Variants in ALOX5 observed in about 807,000 individuals in gnomAD.
The protein encoded by ALOX5 is arachidonate 5-lipoxygenase, also known as polyunsaturated fatty acid 5-lipoxygenase.
A neutral mutation model predicts 87.9 loss-of-function variants in ALOX5; 64 were observed. That is an observed-to-expected ratio of 0.73 (90% confidence interval 0.60 to 0.90). The LOEUF (loss-of-function observed/expected upper bound fraction) is 0.90, where lower values mean the gene tolerates loss of function less well. Among genes scored for constraint, ALOX5 ranks in the 40% least tolerant of loss-of-function variants. The pLI is 0.00. For missense variants in ALOX5, 822 were observed against 907.5 expected, an observed-to-expected ratio of 0.91 and a Z score of 1.21; for synonymous variants, 388 against 355.1, an observed-to-expected ratio of 1.09 and a Z score of -1.04.
At position 45,445,753 on chromosome 10, in the gene ALOX5, C is replaced by A; in HGVS notation, c.*66C>A. On this transcript the variant is annotated 3_prime_UTR_variant, in exon 14 of 14. Coordinates refer to ENST00000374391, the MANE Select transcript of ALOX5 (RefSeq NM_000698.5). ...GCCAGATGGACTCCAGCCTGCCTGG[C>A]AGGCTGTCTGGCCAGGCCTCTTGGC... 1.3e-6 allele frequency: 2 copies of A among 1,550,846 alleles called. No individual in the cohort carries two copies. The highest frequency in any genetic ancestry group is 1.8e-6 in the Non-Finnish European group (2 of 1,136,618).
At position 45,428,754 on chromosome 10, in the gene ALOX5, T is replaced by C. The variant is rs779835358; in HGVS notation, c.971T>C (p.Ile324Thr). The change falls in exon 7 of 14, where the codon ATT (isoleucine) becomes ACT (threonine). Residue 324 changes from isoleucine (I) to threonine (T), a missense_variant. Physicochemically the swap from Ile to Thr is moderately conservative, Grantham distance 89. Transcript: ENST00000374391. The part of the protein sequence containing the change: ...YKNLANKIVP[I>T]AIQLNQIPGD... ...AACCTGGCCAACAAGATTGTCCCCA[T>C]TGCCATCCAGGTAGGCTGCTGGGGG... 9 of 1,613,914 alleles carry C rather than the reference T, an allele frequency of 5.6e-6. No individual in the cohort carries two copies. Among genetic ancestry groups the C allele is most frequent in the African/African-American group, 1.3e-5 (1 of 75,016 alleles).
intron 5 of ALOX5, among the ~76,000 whole-genome samples, chr10:45,424,549 C>G (rs1406840897): frequency 6.6e-6 from 1 of 152,172 alleles, no homozygotes; most frequent in South Asian, 2.1e-4. Context: ...GATGAGAGCA[C>G]TAGCTTCATA....
rs1468408019 is a variant in ALOX5 at position 45,395,933 on chromosome 10, A to G, written c.428A>G (p.Tyr143Cys). The G allele has an allele frequency of 6.2e-7, 1 of 1,614,196 alleles. No individual in the cohort carries two copies. The highest frequency in any genetic ancestry group is 8.5e-7 in the Non-Finnish European group (1 of 1,179,994). The change falls in exon 3 of 14, where the codon TAT becomes TGT. Residue 143 changes from tyrosine (Y) to cysteine (C), a missense_variant. Coordinates refer to ENST00000374391, the MANE Select transcript of ALOX5 (RefSeq NM_000698.5). ...RKELETRQKQ[Y>C]RWMEWNPGFP... is the part of the protein sequence containing the mutation. Reference sequence around the variant, plus strand: ...GAACTGGAAACACGGCAAAAACAATATCGGTGAGTTATGACATCAGATCGA... The same window carrying G: ...GAACTGGAAACACGGCAAAAACAATGTCGGTGAGTTATGACATCAGATCGA...
intron 2 of ALOX5, among the ~76,000 whole-genome samples, chr10:45,393,980 C>T (rs12258640): frequency 0.022 from 3,425 of 152,266 alleles, 126 homozygotes; most frequent in African/African-American, 0.078. Flanking sequence ...GGAAGAACAT[C>T]CCATGCTCAT....
At chr10:45,423,539 A>G (rs774701581) in intron 4 of ALOX5, among the ~76,000 whole-genome samples, 1 of 152,208 alleles carries the variant, frequency 6.6e-6, no homozygotes, top group Non-Finnish European at 1.5e-5. Context: ...GAATTTAGCA[A>G]GCTCTGGCCT....
At chr10:45,388,694 C>T (rs570747925) in intron 2 of ALOX5, among the ~76,000 whole-genome samples, 2 of 152,310 alleles carry the variant, frequency 1.3e-5, no homozygotes, top group East Asian at 1.9e-4. Flanking sequence ...CCCATCTGTA[C>T]GTCACCATCA....
intron 2 of ALOX5, among the ~76,000 whole-genome samples, chr10:45,387,564 G>A (rs1361895775): frequency 6.6e-6 from 1 of 152,160 alleles, no homozygotes; most frequent in Non-Finnish European, 1.5e-5. Context: ...GTCTTGAGGG[G>A]CTGAGTGGAA....
intron 7 of ALOX5, among the ~76,000 whole-genome samples, chr10:45,429,009 T>C (rs1841828104): frequency 6.6e-6 from 1 of 151,952 alleles, no homozygotes; most frequent in South Asian, 2.1e-4. Flanking sequence ...TATTCTGCAC[T>C]CTCCACCCCA....
At chr10:45,385,644 T>C (rs1295827909) in intron 2 of ALOX5, among the ~76,000 whole-genome samples, 2 of 152,178 alleles carry the variant, frequency 1.3e-5, no homozygotes, top group Admixed American at 1.3e-4. Flanking sequence ...TAAGAGATGA[T>C]GAATGTTGAG....
chr10:45,431,657 C>G (rs1235067388), intron 7 of ALOX5, among the ~76,000 whole-genome samples: 2 of 152,038 alleles, frequency 1.3e-5, no homozygotes, highest in African/African-American at 4.8e-5. Context: ...ACTGCAACCT[C>G]CACCTCCCAG....
chr10:45,436,344 T>C (rs1224660424), intron 7 of ALOX5, among the ~76,000 whole-genome samples: 1 of 152,160 alleles, frequency 6.6e-6, no homozygotes, highest in Non-Finnish European at 1.5e-5. Context: ...GTCCATAAGA[T>C]TTTTTCCTAG....
chr10:45,374,545 C>T lies in ALOX5; in HGVS notation c.150+116C>T, dbSNP rs1419614161. On this transcript the variant is annotated intron_variant, in intron 1 of 13. Transcript: ENST00000374391. ...GCCCGTCGGGGCGGCCCGGACAGGA[C>T]TGGGGGTGTCCAGGACCCTGTCAGG... 5 of 1,044,360 alleles carry T rather than the reference C, an allele frequency of 4.8e-6. No individual in the cohort carries two copies. In the South Asian group the frequency reaches 1.1e-4, roughly 23 times the overall value. The allele number at this position is 1,044,360 out of a possible 1,614,324, so 64.7% of individuals were successfully genotyped here.
At chr10:45,440,701 A>C in intron 8 of ALOX5, 68 bp downstream of exon 8, 1 of 1,526,684 alleles carries the variant, frequency 6.6e-7, no homozygotes, top group South Asian at 1.2e-5. Flanking sequence ...GGGATCACTG[A>C]CATCCCACAG....
At chr10:45,420,039 A>AACCATTTG (rs1291634049) in intron 4 of ALOX5, among the ~76,000 whole-genome samples, 4 of 152,274 alleles carry the variant, frequency 2.6e-5, no homozygotes, top group African/African-American at 9.6e-5. Flanking sequence ...CCAACTCAGA[A>AACCATTTG]ACCATTTGGC....
chr10:45,413,181 C>T (rs1330129481), intron 4 of ALOX5, among the ~76,000 whole-genome samples: 3 of 152,094 alleles, frequency 2.0e-5, no homozygotes, highest in Admixed American at 6.6e-5. Context: ...AACATCAATG[C>T]GAAAATCCTC....
intron 1 of ALOX5, among the ~76,000 whole-genome samples, chr10:45,382,262 T>G (rs902125899): frequency 4.6e-5 from 7 of 152,218 alleles, no homozygotes; most frequent in Admixed American, 3.9e-4. Context: ...TACTTTCCTT[T>G]TGGTATAGTG....
intron 7 of ALOX5, among the ~76,000 whole-genome samples, chr10:45,430,444 G>A (rs773575296): frequency 1.3e-5 from 2 of 151,816 alleles, no homozygotes; most frequent in African/African-American, 2.4e-5. Context: ...AAAAATGCAA[G>A]ATTCGGAATA....
At chr10:45,389,528 G>A (rs1240713099) in intron 2 of ALOX5, among the ~76,000 whole-genome samples, 2 of 152,116 alleles carry the variant, frequency 1.3e-5, no homozygotes, top group African/African-American at 4.8e-5. Flanking sequence ...AAGAGACTGG[G>A]GGCCAATATT....
intron 2 of ALOX5, among the ~76,000 whole-genome samples, chr10:45,388,921 C>T (rs773438406): frequency 7.3e-5 from 11 of 151,582 alleles, no homozygotes; most frequent in East Asian, 1.9e-4. Flanking sequence ...TGGAACCCAT[C>T]GCAAAAAAAG....
Sources: gnomAD v4.1 joint callset for allele counts (sites outside exome capture counted in the v4.1 genomes callset) on GRCh38, gnomAD v4.1.1 for gene constraint, MANE v1.5 for transcripts, NCBI Gene and HGNC (gene_info 2026-07-23, HGNC 2026-07-21) for gene names.